The following DPP10 variants were observed in gnomAD, a reference collection of about 807,000 sequenced individuals.
The protein encoded by DPP10 is inactive dipeptidyl peptidase 10.
Under a neutral mutation model 120.9 loss-of-function variants are expected in DPP10, and 33 were observed. The observed-to-expected ratio is 0.27, with a 90% CI of 0.21 to 0.37. The LOEUF (loss-of-function observed/expected upper bound fraction) is 0.37, where lower values mean the gene tolerates loss of function less well. Among genes scored for constraint, DPP10 ranks in the 10% least tolerant of loss-of-function variants. The pLI, the probability that DPP10 is intolerant of heterozygous loss-of-function variation, is 1.00. For synonymous variants in DPP10, 337 were observed against 326.1 expected (o/e 1.03, Z -0.36); for missense variants, 816 against 942.8 (o/e 0.87, Z 1.76).
At chr2:114,943,831 TC>T (rs1697152373) in intron 1 of DPP10, among the ~76,000 whole-genome samples, 2 of 152,230 alleles carry the variant, frequency 1.3e-5, no homozygotes, top group Non-Finnish European at 2.9e-5. Flanking sequence ...TTAACATATT[TC>T]TTTTCATTGT....
At chr2:114,568,266 T>C (rs927858040) in intron 1 of DPP10, among the ~76,000 whole-genome samples, 12 of 152,164 alleles carry the variant, frequency 7.9e-5, no homozygotes, top group African/African-American at 2.9e-4. Flanking sequence ...ATTTGGGGTA[T>C]CTACCACTAT....
chr2:114,626,992 G>A (rs1694559230), intron 1 of DPP10, among the ~76,000 whole-genome samples: 2 of 151,956 alleles, frequency 1.3e-5, no homozygotes, highest in East Asian at 1.9e-4. Flanking sequence ...CTGCACTACC[G>A]TAAAATATTT....
intron 2 of DPP10, among the ~76,000 whole-genome samples, chr2:115,342,619 T>C (rs531036645): frequency 6.6e-6 from 1 of 152,304 alleles, no homozygotes; most frequent in East Asian, 1.9e-4. Flanking sequence ...TGAAATTTTT[T>C]AATGAAACTA....
At chr2:114,736,269 A>C (rs971794868) in intron 1 of DPP10, among the ~76,000 whole-genome samples, 1 of 152,024 alleles carries the variant, frequency 6.6e-6, no homozygotes, top group African/African-American at 2.4e-5. Context: ...CCTCCCAGAT[A>C]TATGATATTA....
chr2:114,484,790 G>A (rs1047381998), intron 1 of DPP10, among the ~76,000 whole-genome samples: 1 of 152,166 alleles, frequency 6.6e-6, no homozygotes, highest in East Asian at 1.9e-4. Flanking sequence ...ATACTTAAAT[G>A]AATATATAGC....
At chr2:115,508,551 C>G (rs549077525) in intron 4 of DPP10, among the ~76,000 whole-genome samples, 8 of 152,132 alleles carry the variant, frequency 5.3e-5, no homozygotes, top group Non-Finnish European at 1.2e-4. Context: ...ATATCCATGT[C>G]AGAATTTCTA....
At chr2:115,558,914 A>C (rs1243299138) in intron 5 of DPP10, among the ~76,000 whole-genome samples, 1 of 152,050 alleles carries the variant, frequency 6.6e-6, no homozygotes, top group African/African-American at 2.4e-5. Context: ...TCACTGGGGG[A>C]ATTGTATTTG....
chr2:115,015,989 G>GA (rs1292815660), intron 1 of DPP10, among the ~76,000 whole-genome samples: 1 of 151,996 alleles, frequency 6.6e-6, no homozygotes, highest in African/African-American at 2.4e-5. Context: ...CATAGAATTA[G>GA]AAAAAACTAC....
At chr2:115,665,167 T>A (rs2089345909) in intron 5 of DPP10, among the ~76,000 whole-genome samples, 1 of 152,216 alleles carries the variant, frequency 6.6e-6, no homozygotes, top group Non-Finnish European at 1.5e-5. Context: ...CATTTAATAG[T>A]TGCCACTAGG....
rs539844334 is a variant in DPP10 at position 115,414,730 on chromosome 2, C to T, written c.271+70818C>T. 2.0e-5 allele frequency among the ~76,000 whole-genome samples: 3 copies of T among 152,200 alleles called. No homozygotes were observed. The East Asian group carries it at 5.8e-4, about 29-fold the overall frequency. ...GTAATGTGAAATTAGCTTTGCCTTT[C>T]TGAATATTTACAAAATCCAAGCAAA... On this transcript the variant is annotated intron_variant, in intron 3 of 25. Transcript: ENST00000410059.
intron 1 of DPP10, among the ~76,000 whole-genome samples, chr2:115,177,749 G>GT (rs61530527): frequency 2.1e-4 from 24 of 112,966 alleles, no homozygotes; most frequent in South Asian, 7.8e-4. Context: ...CTTTTGTTTT[G>GT]TTTTGTTTTT....
intron 13 of DPP10, among the ~76,000 whole-genome samples, chr2:115,773,123 C>A (rs1681674843): frequency 6.6e-6 from 1 of 152,122 alleles, no homozygotes; most frequent in Non-Finnish European, 1.5e-5. Context: ...CTGATTAGGA[C>A]ATTGTCTGAA....
intron 8 of DPP10, among the ~76,000 whole-genome samples, chr2:115,730,160 T>A (rs186439513): frequency 2.0e-5 from 3 of 152,002 alleles, no homozygotes; most frequent in African/African-American, 7.2e-5. Context: ...GGTCTAAGAG[T>A]GGAAAGAAAC....
chr2:114,753,146 C>T (rs1055438368), intron 1 of DPP10, among the ~76,000 whole-genome samples: 1 of 152,132 alleles, frequency 6.6e-6, no homozygotes, highest in Non-Finnish European at 1.5e-5. Context: ...ACTCCACACT[C>T]CCAAATAATG....
intron 3 of DPP10, among the ~76,000 whole-genome samples, chr2:115,410,043 A>G (rs373010096): frequency 6.6e-6 from 1 of 152,340 alleles, no homozygotes; most frequent in African/African-American, 2.4e-5. Context: ...TAATTTTTGT[A>G]TAAGGTGTAA....
At chr2:115,286,952 A>G (rs796428749) in intron 1 of DPP10, among the ~76,000 whole-genome samples, 8 of 152,174 alleles carry the variant, frequency 5.3e-5, no homozygotes, top group African/African-American at 1.9e-4. Context: ...TCTAGGTACA[A>G]AGATCTCTCT....
At chr2:115,271,770 A>T (rs983619513) in intron 1 of DPP10, among the ~76,000 whole-genome samples, 9 of 152,208 alleles carry the variant, frequency 5.9e-5, no homozygotes, top group Non-Finnish European at 1.0e-4. Flanking sequence ...GCTTCCACAG[A>T]ATAATTCATA....
Position 115,315,594 on chromosome 2 carries a change from GA to G in DPP10, c.175+6245del, listed in dbSNP as rs1559409308. Among the ~76,000 whole-genome samples, 6 of 152,240 alleles carry G rather than the reference GA, an allele frequency of 3.9e-5. 2 individuals are homozygous for G. The Middle Eastern group carries it at 0.02, about 518-fold the overall frequency. ...CTATCCCCATTATGCATTATGAGGG[GA>G]AAATAATGTTTTACCAGATTTTTAG... On this transcript the variant is annotated intron_variant, in intron 2 of 25. Coordinates refer to ENST00000410059, the MANE Select transcript of DPP10 (RefSeq NM_020868.6).
intron 2 of DPP10, among the ~76,000 whole-genome samples, chr2:115,329,654 T>C (rs1003433256): frequency 1.3e-5 from 2 of 152,156 alleles, no homozygotes; most frequent in African/African-American, 4.8e-5. Flanking sequence ...TTTTCATTGT[T>C]CAATTCCCAC....
Sources: allele counts gnomAD v4.1 joint callset (sites outside exome capture counted in the v4.1 genomes callset), GRCh38; gene constraint gnomAD v4.1.1; transcripts MANE v1.5; gene names NCBI Gene and HGNC (gene_info 2026-07-23, HGNC 2026-07-21).